The following OPHN1 variants were observed in gnomAD, a reference collection of about 807,000 sequenced individuals.
The protein encoded by OPHN1 is oligophrenin-1.
Under a neutral mutation model 60.7 loss-of-function variants are expected in OPHN1, and 11 were observed. The observed-to-expected ratio is 0.18, with a 90% confidence interval of 0.11 to 0.30. The LOEUF is 0.30. OPHN1 is among the 10% of genes least tolerant of loss of function. The probability of loss-of-function intolerance (pLI) is 1.00; values close to 1 mark genes in which losing one functional copy is unlikely to be tolerated. For synonymous variants in OPHN1, 226 were observed against 222.6 expected (o/e 1.02, Z -0.14); for missense variants, 449 against 611.0 (o/e 0.73, Z 2.80).
intron 3 of OPHN1, among the ~76,000 whole-genome samples, chrX:68,294,473 CAAAAAAAAAA>C (rs570989143): frequency 0.016 from 175 of 10,660 alleles, 2 homozygotes; most frequent in African/African-American, 0.04. Flanking sequence ...GACTCTATCA[CAAAAAAAAAA>C]AAAAAAAAAA....
intron 2 of OPHN1, among the ~76,000 whole-genome samples, chrX:68,362,384 G>A (rs1488733658): frequency 8.9e-6 from 1 of 111,904 alleles, no homozygotes; most frequent in Non-Finnish European, 1.9e-5. Context: ...TTGGGAAGAT[G>A]CTGGTCAAAG....
rs141414914 is a variant in OPHN1, at chrX:68,196,313, C to A, written c.1104+873G>T. 6.2e-3 allele frequency among the ~76,000 whole-genome samples: 696 copies of A among 112,089 alleles called. 5 individuals are homozygous for A. The highest frequency in any genetic ancestry group is 8.2e-3 in the Non-Finnish European group (438 of 53,237). On this transcript the variant is annotated intron_variant, in intron 12 of 24. Coordinates refer to ENST00000355520, the MANE Select transcript of OPHN1 (RefSeq NM_002547.3). Reference sequence around the variant, plus strand: ...GAGTTTTGTATCCCATCATTCAGATCGGCTAGCACATTGTGGTTTACAAGA... The same window carrying A: ...GAGTTTTGTATCCCATCATTCAGATAGGCTAGCACATTGTGGTTTACAAGA...
intron 6 of OPHN1, among the ~76,000 whole-genome samples, chrX:68,219,684 G>C (rs1231796371): frequency 4.5e-5 from 5 of 110,250 alleles, no homozygotes; most frequent in Non-Finnish European, 9.5e-5. Context: ...ATGACTACTG[G>C]GTACATAACG....
chrX:68,207,030 C>G (rs2077562496), intron 9 of OPHN1, among the ~76,000 whole-genome samples: 1 of 111,762 alleles, frequency 8.9e-6, no homozygotes, highest in Middle Eastern at 4.2e-3. Context: ...CCCTTCTAAC[C>G]TGTACATGAC....
chrX:68,054,478 A>C (rs1569377555), intron 21 of OPHN1, among the ~76,000 whole-genome samples: 1 of 111,219 alleles, frequency 9.0e-6, no homozygotes, highest in African/African-American at 3.3e-5. Context: ...GTACAAAATC[A>C]TACATATGAG....
chrX:68,359,859 A>C (rs1383233657), intron 2 of OPHN1, among the ~76,000 whole-genome samples: 9 of 103,908 alleles, frequency 8.7e-5, no homozygotes, highest in East Asian at 6.1e-4. Context: ...CCGTCTCAAA[A>C]AAAAAAAAAA....
intron 5 of OPHN1, among the ~76,000 whole-genome samples, chrX:68,249,595 C>A (rs1444729163): frequency 4.5e-5 from 5 of 111,913 alleles, no homozygotes; most frequent in Non-Finnish European, 7.5e-5. Flanking sequence ...GCCTTCTTCT[C>A]TGATCAAATA....
At chrX:68,082,856 T>C (rs2147383508) in intron 19 of OPHN1, among the ~76,000 whole-genome samples, 1 of 111,461 alleles carries the variant, frequency 9.0e-6, no homozygotes, top group Admixed American at 9.5e-5. Context: ...CTACATGGCA[T>C]CTTCTTCCAA....
chrX:68,137,541 A>T (rs893946728), intron 15 of OPHN1, among the ~76,000 whole-genome samples: 1 of 111,471 alleles, frequency 9.0e-6, no homozygotes, highest in Non-Finnish European at 1.9e-5. Flanking sequence ...AGACCTTCCT[A>T]AGCACATTCC....
At chrX:68,295,317 A>G (rs2078089393) in intron 3 of OPHN1, among the ~76,000 whole-genome samples, 1 of 112,372 alleles carries the variant, frequency 8.9e-6, no homozygotes, top group Non-Finnish European at 1.9e-5. Flanking sequence ...TAGTGTTCCT[A>G]GTAGAATCAA....
At chrX:68,172,209 C>T (rs753233513) in intron 15 of OPHN1, among the ~76,000 whole-genome samples, 1 of 111,910 alleles carries the variant, frequency 8.9e-6, no homozygotes, top group Non-Finnish European at 1.9e-5. Context: ...GACAAAACTA[C>T]AAATAACCCA....
chrX:68,308,783 G>GT (rs1385005313), intron 2 of OPHN1, among the ~76,000 whole-genome samples: 8 of 109,170 alleles, frequency 7.3e-5, no homozygotes, highest in Admixed American at 4.9e-4. Context: ...TCTCGCACTT[G>GT]TTTTTTTGTT....
chrX:68,242,647 C>A (rs1016055623), intron 5 of OPHN1, among the ~76,000 whole-genome samples: 1 of 110,611 alleles, frequency 9.0e-6, no homozygotes, highest in African/African-American at 3.3e-5. Flanking sequence ...TTTACAATGG[C>A]CAAAAGGTGG....
At chrX:68,192,789 G>A (rs1368316865) in intron 15 of OPHN1, 130 bp downstream of exon 15, 1 of 563,502 alleles carries the variant, frequency 1.8e-6, no homozygotes, top group East Asian at 3.6e-5. Flanking sequence ...GTATGTGTAT[G>A]TTTTACTTTA....
intron 20 of OPHN1, among the ~76,000 whole-genome samples, chrX:68,069,420 A>G (rs1284453941): frequency 9.0e-6 from 1 of 111,689 alleles, no homozygotes; most frequent in Non-Finnish European, 1.9e-5. Flanking sequence ...GGAACAACAG[A>G]CAGGCATCCA....
chrX:68,389,333 C>T (rs2078641223), intron 2 of OPHN1, among the ~76,000 whole-genome samples: 1 of 108,478 alleles, frequency 9.2e-6, no homozygotes, highest in Non-Finnish European at 1.9e-5. Context: ...TTTGTGAGGC[C>T]GAGGCAGGCA....
chrX:68,269,993 CA>C (rs1358427267), intron 5 of OPHN1, among the ~76,000 whole-genome samples: 5 of 111,941 alleles, frequency 4.5e-5, no homozygotes, highest in Non-Finnish European at 9.4e-5. Flanking sequence ...AAAAAATGCT[CA>C]TCGTCACTGG....
intron 23 of OPHN1, among the ~76,000 whole-genome samples, 197 bp from the exon 24 acceptor site, chrX:68,048,654 T>G (rs2076840385): frequency 8.9e-6 from 1 of 112,136 alleles, no homozygotes; most frequent in South Asian, 3.7e-4. Context: ...CTTAAAGAGA[T>G]GTGAAGACAT....
intron 18 of OPHN1, among the ~76,000 whole-genome samples, chrX:68,101,756 T>C (rs188720632): frequency 8.0e-5 from 9 of 112,310 alleles, no homozygotes; most frequent in Middle Eastern, 4.6e-3. Context: ...CAGCCCTGCA[T>C]TGACAGGGTA....
Sources: allele counts gnomAD v4.1 joint callset (sites outside exome capture counted in the v4.1 genomes callset), GRCh38; gene constraint gnomAD v4.1.1; transcripts MANE v1.5; gene names NCBI Gene and HGNC (gene_info 2026-07-23, HGNC 2026-07-21).